ADAM22: variants seen among roughly 807,000 people sequenced by gnomAD.
The protein encoded by ADAM22 is ADAM metallopeptidase domain 22.
Under a neutral mutation model 144.6 loss-of-function variants are expected in ADAM22, and 65 were observed. That is an observed-to-expected ratio of 0.45 (90% CI 0.37 to 0.55). The LOEUF (loss-of-function observed/expected upper bound fraction) is 0.55. Ranked by LOEUF, ADAM22 falls within the 20% of genes least tolerant of loss-of-function variation. The pLI is 0.00. For synonymous variants in ADAM22, 391 were observed against 412.6 expected (o/e 0.95, Z 0.63); for missense variants, 974 against 1,184.9 (o/e 0.82, Z 2.61).
rs1038544820 is a variant in ADAM22 at position 88,199,173 on chromosome 7, C to G, written c.*2682C>G. 6.6e-6 allele frequency: 1 copy of G among 152,144 alleles called. No homozygotes were observed. The highest frequency in any genetic ancestry group is 2.1e-4 in the South Asian group (1 of 4,828). 9.4% of individuals were successfully genotyped at this position (152,144 alleles called of 1,614,324 possible). A position where few individuals can be genotyped will look rare whatever the true frequency, so the allele number is the denominator to read the frequency against. ...CACAGCATTATTTCTCTTTAAATAT[C>G]TATTTTGGAGAGAAACTTTGAGGCC... On this transcript the variant is annotated 3_prime_UTR_variant, in exon 32 of 32. Coordinates refer to ENST00000413139, the MANE Select transcript of ADAM22 (RefSeq NM_001324418.2).
intron 5 of ADAM22, among the ~76,000 whole-genome samples, chr7:88,113,739 T>TATATATATATATATATAG (rs1826940893): frequency 7.7e-6 from 1 of 129,678 alleles, no homozygotes; most frequent in Non-Finnish European, 1.6e-5. Flanking sequence ...TATATATATA[T>TATATATATATATATATAG]AGTAAGTCCT....
chr7:87,948,774 T>C (rs1285830092), intron 2 of ADAM22, among the ~76,000 whole-genome samples: 3 of 152,130 alleles, frequency 2.0e-5, no homozygotes, highest in Non-Finnish European at 4.4e-5. Flanking sequence ...AAGGAGGGGA[T>C]TGGGGCGCCG....
intron 3 of ADAM22, among the ~76,000 whole-genome samples, chr7:88,008,550 T>C (rs1191934910): frequency 1.3e-5 from 2 of 151,476 alleles, no homozygotes; most frequent in Non-Finnish European, 2.9e-5. Context: ...CACATATACA[T>C]CATGGAATAC....
At chr7:88,188,519 C>T in intron 30 of ADAM22, among the ~76,000 whole-genome samples, 1 of 152,242 alleles carries the variant, frequency 6.6e-6, no homozygotes, top group Non-Finnish European at 1.5e-5. Context: ...TTGTTAAAAT[C>T]ATATTTATGT....
At chr7:88,155,845 A>G (rs759287608) in intron 21 of ADAM22, 42 bp from the exon 22 acceptor site, 5 of 1,604,314 alleles carry the variant, frequency 3.1e-6, no homozygotes, top group Non-Finnish European at 2.6e-6. Flanking sequence ...ATGGTTTGCT[A>G]TATATTTGGG....
chr7:87,934,372 G>T lies in ADAM22; in HGVS notation c.-94G>T, dbSNP rs1055413914. 14 of 1,289,974 alleles carry T rather than the reference G, an allele frequency of 1.1e-5. No homozygotes were observed. The highest frequency in any genetic ancestry group is 1.4e-5 in the Non-Finnish European group (13 of 944,792). 79.9% of individuals were successfully genotyped at this position (1,289,974 alleles called of 1,614,324 possible). A position where few individuals can be genotyped will look rare whatever the true frequency, so the allele number is the denominator to read the frequency against. ...GCCGGGGCTGGGTGGAGGTGGCCGC[G>T]GGGACCCCGGGGGCGCGGAGCGAGG... On this transcript the variant is annotated 5_prime_UTR_variant, in exon 1 of 32. Transcript: ENST00000413139.
chr7:88,109,686 G>A (rs1366706561), intron 5 of ADAM22, among the ~76,000 whole-genome samples: 5 of 151,020 alleles, frequency 3.3e-5, no homozygotes. Context: ...ATTTCCTGAT[G>A]TGGAACATGA....
chr7:88,119,714 C>A (rs1296536880), intron 7 of ADAM22, among the ~76,000 whole-genome samples: 1 of 152,190 alleles, frequency 6.6e-6, no homozygotes, highest in Non-Finnish European at 1.5e-5. Flanking sequence ...GTCTCAAATT[C>A]CTGACCTCAA....
chr7:87,952,865 T>G (rs1254986196), intron 2 of ADAM22, among the ~76,000 whole-genome samples: 4 of 152,238 alleles, frequency 2.6e-5, no homozygotes, highest in Admixed American at 1.3e-4. Context: ...CCCGGTTTAG[T>G]CTTGGGAGGG....
chr7:88,074,198 T>C (rs1331012056), intron 3 of ADAM22, among the ~76,000 whole-genome samples: 1 of 152,180 alleles, frequency 6.6e-6, no homozygotes. Context: ...ATTAAGTACA[T>C]ATGTATATTT....
chr7:88,181,719 A>G, intron 28 of ADAM22, 114 bp downstream of exon 28: 2 of 941,174 alleles, frequency 2.1e-6, no homozygotes, highest in Non-Finnish European at 3.2e-6. Context: ...CTCCCAACAG[A>G]GAGGAGAATA....
chr7:87,965,905 A>G (rs1033165618), intron 2 of ADAM22, among the ~76,000 whole-genome samples: 2 of 152,224 alleles, frequency 1.3e-5, no homozygotes, highest in Non-Finnish European at 2.9e-5. Flanking sequence ...CTAGTTATTC[A>G]TGTGAGAGTG....
At chr7:88,127,992 C>T (rs1400739773) in intron 8 of ADAM22, among the ~76,000 whole-genome samples, 1 of 151,950 alleles carries the variant, frequency 6.6e-6, no homozygotes, top group Non-Finnish European at 1.5e-5. Context: ...TCAAGACTGC[C>T]TGGGAGTTCT....
chr7:87,941,801 T>C (rs1334782450), intron 2 of ADAM22, among the ~76,000 whole-genome samples: 1 of 152,196 alleles, frequency 6.6e-6, no homozygotes, highest in African/African-American at 2.4e-5. Flanking sequence ...AATCAGTCTT[T>C]CATCACTTCT....
chr7:88,058,620 A>G (rs1048661774), intron 3 of ADAM22, among the ~76,000 whole-genome samples: 6 of 152,216 alleles, frequency 3.9e-5, no homozygotes, highest in African/African-American at 1.2e-4. Flanking sequence ...GTTCTGTTAC[A>G]TAGATTAGTA....
chr7:88,087,482 T>C (rs563392088), intron 4 of ADAM22, among the ~76,000 whole-genome samples: 12 of 152,210 alleles, frequency 7.9e-5, no homozygotes, highest in Admixed American at 1.3e-4. Context: ...ATAACCATAG[T>C]ATGAATTTTA....
intron 7 of ADAM22, among the ~76,000 whole-genome samples, chr7:88,123,496 G>C (rs1189306187): frequency 6.6e-6 from 1 of 151,844 alleles, no homozygotes; most frequent in Non-Finnish European, 1.5e-5. Flanking sequence ...CAAATTTATT[G>C]GCATAAAGCT....
chr7:88,067,640 G>A (rs1325559921), intron 3 of ADAM22, among the ~76,000 whole-genome samples: 1 of 152,108 alleles, frequency 6.6e-6, no homozygotes. Context: ...TGATTCTGCT[G>A]CAAAGCCGGC....
At chr7:88,151,354 G>A (rs754520037) in intron 20 of ADAM22, 34 bp downstream of exon 20, 5 of 1,612,422 alleles carry the variant, frequency 3.1e-6, no homozygotes, top group Non-Finnish European at 3.4e-6. Flanking sequence ...CATTGTTAAA[G>A]CATGATGTCA....
Sources: gnomAD v4.1 joint callset for allele counts (sites outside exome capture counted in the v4.1 genomes callset) on GRCh38, gnomAD v4.1.1 for gene constraint, MANE v1.5 for transcripts, NCBI Gene and HGNC (gene_info 2026-07-23, HGNC 2026-07-21) for gene names.